The following COL8A1 variants were observed in gnomAD, a reference collection of about 807,000 sequenced individuals.
COL8A1 encodes collagen alpha-1(VIII) chain.
A neutral mutation model predicts 42.7 loss-of-function variants in COL8A1; 21 were observed. That is an observed-to-expected ratio of 0.49 (90% CI 0.35 to 0.71). COL8A1 has a LOEUF of 0.71. COL8A1 is among the 30% of genes least tolerant of loss of function. The pLI is 0.01. For synonymous variants in COL8A1, 367 were observed against 369.1 expected (o/e 0.99, Z 0.06); for missense variants, 788 against 962.4 (o/e 0.82, Z 2.40).
intron 2 of COL8A1, among the ~76,000 whole-genome samples, chr3:99,781,799 G>T (rs968185689): frequency 6.6e-6 from 1 of 152,164 alleles, no homozygotes; most frequent in Admixed American, 6.5e-5. Flanking sequence ...CAGGTCCACG[G>T]AATGGCAAGG....
At position 99,795,004 on chromosome 3, in the gene COL8A1, C is replaced by G; in HGVS notation, c.1103C>G (p.Pro368Arg). The G allele has an allele frequency of 6.2e-7, 1 of 1,607,196 alleles. No homozygotes were observed. Among genetic ancestry groups the G allele is most frequent in the Non-Finnish European group, 8.5e-7 (1 of 1,176,684 alleles). ...PKGDRGMGGV[P>R]GALGPRGEKG... ...GGTGACCGGGGCATGGGAGGTGTTC[C>G]TGGGGCTCTTGGACCAAGAGGGGAG... The change falls in exon 4 of 4, where the codon CCT becomes CGT. Residue 368 changes from proline (P) to arginine (R), a missense_variant. Pro to Arg is a moderately radical substitution (Grantham distance 103, BLOSUM62 -2). Around this residue, in one of 4 missense-constraint regions of COL8A1, gnomAD observed 421 missense variants for 553.1 expected, o/e 0.76. Transcript: ENST00000652472.
chr3:99,693,693 G>A (rs1939287345), intron 1 of COL8A1, among the ~76,000 whole-genome samples: 1 of 152,142 alleles, frequency 6.6e-6, no homozygotes, highest in Non-Finnish European at 1.5e-5. Context: ...TTAAAAGGAA[G>A]AAATGTTACA....
chr3:99,775,049 G>T (rs528889243), intron 2 of COL8A1, among the ~76,000 whole-genome samples: 19 of 152,276 alleles, frequency 1.2e-4, no homozygotes, highest in African/African-American at 4.3e-4. Flanking sequence ...CCTGGCTAGG[G>T]TCATACACAA....
At chr3:99,750,049 CTTTTTTTTTT>C (rs1176042144) in intron 2 of COL8A1, among the ~76,000 whole-genome samples, 2 of 65,960 alleles carry the variant, frequency 3.0e-5, no homozygotes, top group African/African-American at 6.1e-5. Flanking sequence ...TTTTTTTCTT[CTTTTTTTTTT>C]TTTTTTTTTT....
At chr3:99,727,702 A>G (rs1940376203) in intron 1 of COL8A1, among the ~76,000 whole-genome samples, 1 of 152,086 alleles carries the variant, frequency 6.6e-6, no homozygotes, top group South Asian at 2.1e-4. Flanking sequence ...AGAGAATTTT[A>G]GACCAATATC....
At position 99,723,015 on chromosome 3, in the gene COL8A1, G is replaced by GTGTT. The variant is rs1354467616; in HGVS notation, c.-128-21879_-128-21878insTTGT. Among the ~76,000 whole-genome samples the GTGTT allele has an allele frequency of 3.0e-3, 458 of 151,720 alleles. 4 individuals are homozygous for GTGTT. Among genetic ancestry groups the GTGTT allele is most frequent in the African/African-American group, 0.011 (435 of 41,376 alleles). On this transcript the variant is annotated intron_variant, in intron 1 of 3. Transcript: ENST00000652472. ...TCAGAGACCAAAGTTGTGTGTGTGT[G>GTGTT]TGTGTGTGTGTGTGTGTGTAATAAA...
In COL8A1 at chr3:99,795,522, C is replaced by A. The variant is rs747827412; in HGVS notation, c.1621C>A (p.His541Asn). ...GIGKPGVAGLHGPPGKPGALG... is the reference protein window; with the variant it reads ...GIGKPGVAGLNGPPGKPGALG... ...AGGGAAACCCGGAGTGGCAGGACTT[C>A]ATGGCCCCCCAGGGAAGCCTGGTGC... Residue 541 changes from histidine (H) to asparagine (N), a missense_variant, in exon 4 of 4, where the codon CAT (histidine) becomes AAT (asparagine). Coordinates refer to ENST00000652472, the MANE Select transcript of COL8A1 (RefSeq NM_020351.4). The A allele has an allele frequency of 1.9e-6, 3 of 1,596,374 alleles. No individual in the cohort carries two copies. Among genetic ancestry groups the A allele is most frequent in the Non-Finnish European group, 2.6e-6 (3 of 1,172,112 alleles).
intron 1 of COL8A1, among the ~76,000 whole-genome samples, chr3:99,734,210 A>G (rs1371023861): frequency 7.0e-6 from 1 of 143,520 alleles, no homozygotes; most frequent in African/African-American, 2.7e-5. Flanking sequence ...TGTTTTAGAC[A>G]TGAAGTCCTT....
In COL8A1 at chr3:99,727,458, G is replaced by A. The variant is rs191861863; in HGVS notation, c.-128-17439G>A. ...AGAACTTCCAACAGTATGTTGAATA[G>A]GAGTGGTGATTCTTGAATTAATTTT... is the stretch of plus-strand genomic sequence containing the variant. On this transcript the variant is annotated intron_variant, in intron 1 of 3. Coordinates refer to ENST00000652472, the MANE Select transcript of COL8A1 (RefSeq NM_020351.4). Among the ~76,000 whole-genome samples the A allele has an allele frequency of 3.9e-5, 6 of 152,212 alleles. No homozygotes were observed. The East Asian group carries it at 7.7e-4, about 20-fold the overall frequency.
chr3:99,691,318 A>C (rs1111615), intron 1 of COL8A1: 2 of 152,106 alleles, frequency 1.3e-5, no homozygotes, highest in African/African-American at 4.8e-5. Flanking sequence ...TCAAACTGAT[A>C]GTCATGATAC....
At chr3:99,776,917 G>A (rs1217484913) in intron 2 of COL8A1, among the ~76,000 whole-genome samples, 2 of 152,166 alleles carry the variant, frequency 1.3e-5, no homozygotes, top group Non-Finnish European at 2.9e-5. Context: ...GTGCTCGTGG[G>A]AGTGTCCTTT....
At chr3:99,694,776 T>C (rs554518428) in intron 1 of COL8A1, among the ~76,000 whole-genome samples, 1 of 152,348 alleles carries the variant, frequency 6.6e-6, no homozygotes, top group South Asian at 2.1e-4. Context: ...TAGATCAGCA[T>C]TCTTCAGTGT....
At chr3:99,778,338 G>T (rs543227438) in intron 2 of COL8A1, among the ~76,000 whole-genome samples, 13 of 152,126 alleles carry the variant, frequency 8.5e-5, no homozygotes, top group Non-Finnish European at 5.9e-5. Context: ...TTGGTTTTAC[G>T]AACAAGGAAA....
At chr3:99,744,643 A>G (rs186342373) in intron 1 of COL8A1, among the ~76,000 whole-genome samples, 1 of 152,336 alleles carries the variant, frequency 6.6e-6, no homozygotes, top group African/African-American at 2.4e-5. Flanking sequence ...CTTTCCAATT[A>G]TCTCCAATAT....
In COL8A1 at chr3:99,779,639, G is replaced by A. The variant is rs16841712; in HGVS notation, c.-3-11041G>A. On this transcript the variant is annotated intron_variant, in intron 2 of 3. Coordinates refer to ENST00000652472, the MANE Select transcript of COL8A1 (RefSeq NM_020351.4). ...TCCATGTGGCTAACAGGTAGGAGAC[G>A]CGCCGCACTGAAGTGGGCAAGCAGA... Among the ~76,000 whole-genome samples, 966 of 152,292 alleles carry A rather than the reference G, an allele frequency of 6.3e-3. 12 individuals are homozygous for A. The highest frequency in any genetic ancestry group is 0.022 in the African/African-American group (927 of 41,566).
chr3:99,701,467 G>A (rs141821632), intron 1 of COL8A1, among the ~76,000 whole-genome samples: 18 of 152,234 alleles, frequency 1.2e-4, no homozygotes, highest in African/African-American at 4.3e-4. Context: ...GGAGTATTTT[G>A]TTATCAATGA....
chr3:99,695,001 T>C (rs1476559013), intron 1 of COL8A1, among the ~76,000 whole-genome samples: 1 of 152,134 alleles, frequency 6.6e-6, no homozygotes, highest in Non-Finnish European at 1.5e-5. Context: ...TGTTTAGTAA[T>C]AGTTAAGAGT....
chr3:99,750,878 C>T (rs149653701), intron 2 of COL8A1, among the ~76,000 whole-genome samples: 25 of 152,310 alleles, frequency 1.6e-4, no homozygotes, highest in African/African-American at 5.0e-4. Context: ...AAGTGTACCT[C>T]TTTCACCTTA....
intron 2 of COL8A1, 68 bp downstream of exon 2, chr3:99,745,089 C>T (rs1479840593): frequency 6.6e-6 from 1 of 152,324 alleles, no homozygotes; most frequent in Non-Finnish European, 1.5e-5. Flanking sequence ...CCGCAGATCG[C>T]TGTCCAGGAG....
Sources: allele counts gnomAD v4.1 joint callset (sites outside exome capture counted in the v4.1 genomes callset), GRCh38; gene constraint gnomAD v4.1.1; regional missense constraint gnomAD v4.1.1; transcripts MANE v1.5; gene names NCBI Gene and HGNC (gene_info 2026-07-23, HGNC 2026-07-21).